Variants in ADAM17 observed in about 807,000 individuals in gnomAD.
The protein encoded by ADAM17 is ADAM metallopeptidase domain 17.
Under a neutral mutation model 96.7 loss-of-function variants are expected in ADAM17, and 39 were observed. The ratio of observed to expected loss-of-function variants is 0.40; its 90% CI spans 0.31 to 0.53. The LOEUF is 0.53. Among genes scored for constraint, ADAM17 ranks in the 20% least tolerant of loss-of-function variants. The pLI, the probability that ADAM17 is intolerant of heterozygous loss-of-function variation, is 0.44. For synonymous variants in ADAM17, 344 were observed against 359.2 expected, an observed-to-expected ratio of 0.96 and a Z score of 0.48; for missense variants, 777 against 1,013.2, an observed-to-expected ratio of 0.77 and a Z score of 3.17.
chr2:9,495,574 TGTG>T (rs1662512286), intron 14 of ADAM17, among the ~76,000 whole-genome samples: 1 of 151,908 alleles, frequency 6.6e-6, no homozygotes, highest in Non-Finnish European at 1.5e-5. Context: ...ATTAGCCAGA[TGTG>T]GTGGTGCTTG....
In ADAM17 at chr2:9,543,442, C is replaced by T. The variant is rs572678784; in HGVS notation, c.98-157G>A. 3.3e-5 allele frequency among the ~76,000 whole-genome samples: 5 copies of T among 152,338 alleles called. No individual in the cohort carries two copies. In the South Asian group the frequency reaches 1.0e-3, roughly 32 times the overall value. On this transcript the variant is annotated intron_variant, in intron 1 of 18. Transcript: ENST00000310823. The stretch of plus-strand genomic sequence containing the variant: ...TCATTTTTTATCAACAGAAACTCCA[C>T]TGCCTCTTCCAAAATCAGGATTTTT...
chr2:9,490,994 G>T, intron 18 of ADAM17, 107 bp downstream of exon 18: 2 of 972,488 alleles, frequency 2.1e-6, no homozygotes, highest in South Asian at 3.1e-5. Flanking sequence ...GCTGCAACAT[G>T]ACCTTCCATC....
intron 6 of ADAM17, 87 bp from the exon 7 acceptor site, chr2:9,523,425 A>C: frequency 8.1e-7 from 1 of 1,235,014 alleles, no homozygotes; most frequent in South Asian, 1.3e-5. Flanking sequence ...GGAAAGAAAA[A>C]ATCTCAGTTT....
At chr2:9,504,852 A>G (rs1663285873) in intron 12 of ADAM17, among the ~76,000 whole-genome samples, 1 of 151,764 alleles carries the variant, frequency 6.6e-6, no homozygotes, top group Non-Finnish European at 1.5e-5. Context: ...ATAATGTCAC[A>G]CTGCTTTCCA....
chr2:9,502,034 T>A (rs1663035118), intron 13 of ADAM17, 139 bp downstream of exon 13: 1 of 727,290 alleles, frequency 1.4e-6, no homozygotes, highest in East Asian at 2.5e-5. Context: ...TGTCACAAAC[T>A]AAGGAGTGCC....
At chr2:9,530,882 G>A (rs1314075780) in intron 4 of ADAM17, among the ~76,000 whole-genome samples, 3 of 152,156 alleles carry the variant, frequency 2.0e-5, no homozygotes, top group Admixed American at 1.3e-4. Context: ...TTGTTTAAGG[G>A]CTACAGGGTA....
Position 9,555,777 on chromosome 2 carries a change from A to G in ADAM17, c.-172T>C, listed in dbSNP as rs12692386. Reference sequence around the variant, plus strand: ...TTCTACCGCCAGGCTCGACGCCCCCAGAAGTGCAGGTGGCGTTACCAAAGG... The same window carrying G: ...TTCTACCGCCAGGCTCGACGCCCCCGGAAGTGCAGGTGGCGTTACCAAAGG... On this transcript the variant is annotated 5_prime_UTR_variant, in exon 1 of 19. Coordinates refer to ENST00000310823, the MANE Select transcript of ADAM17 (RefSeq NM_003183.6). The G allele has an allele frequency of 0.66, 328,352 of 500,398 alleles. 114,008 individuals carry two copies. The highest frequency in any genetic ancestry group is 0.93 in the African/African-American group (47,251 of 50,570). 31.0% of individuals were successfully genotyped at this position (500,398 alleles called of 1,614,324 possible). A position where few individuals can be genotyped will look rare whatever the true frequency, so the allele number is the denominator to read the frequency against.
chr2:9,520,740 G>A (rs760115026), intron 8 of ADAM17, among the ~76,000 whole-genome samples: 92 of 152,112 alleles, frequency 6.0e-4, no homozygotes, highest in Non-Finnish European at 1.1e-3. Flanking sequence ...GAGGCAGACG[G>A]ATCATCTGAG....
intron 4 of ADAM17, among the ~76,000 whole-genome samples, chr2:9,532,052 A>G (rs1572944128): frequency 6.6e-6 from 1 of 152,352 alleles, no homozygotes; most frequent in East Asian, 1.9e-4. Context: ...TCAAGGCTGC[A>G]GTGAGCTATG....
intron 10 of ADAM17, among the ~76,000 whole-genome samples, chr2:9,517,383 G>A (rs1306713747): frequency 6.6e-6 from 1 of 152,184 alleles, no homozygotes; most frequent in African/African-American, 2.4e-5. Flanking sequence ...TAGAGAACAT[G>A]AGAACTAAGA....
chr2:9,495,333 T>A (rs1224469810), intron 14 of ADAM17, among the ~76,000 whole-genome samples: 3 of 152,204 alleles, frequency 2.0e-5, no homozygotes, highest in Non-Finnish European at 1.5e-5. Context: ...TGGGCATACA[T>A]AAGAATGGCA....
intron 11 of ADAM17, 181 bp from the exon 12 acceptor site, chr2:9,505,546 C>T: frequency 1.6e-6 from 1 of 617,790 alleles, no homozygotes; most frequent in Non-Finnish European, 2.8e-6. Context: ...CTGGGAACCT[C>T]CCTCCATAGA....
At chr2:9,518,906 GT>G (rs1467693134) in intron 8 of ADAM17, among the ~76,000 whole-genome samples, 7 of 142,892 alleles carry the variant, frequency 4.9e-5, no homozygotes, top group Middle Eastern at 3.6e-3. Flanking sequence ...TGGGGGGGGG[GT>G]TTGATTTATT....
intron 13 of ADAM17, among the ~76,000 whole-genome samples, chr2:9,498,980 C>T (rs1662816048): frequency 6.6e-6 from 1 of 152,198 alleles, no homozygotes; most frequent in South Asian, 2.1e-4. Flanking sequence ...GCACAGACTG[C>T]TGGCCTCCCT....
chr2:9,514,218 T>C (rs1238257048), intron 10 of ADAM17, among the ~76,000 whole-genome samples: 2 of 151,364 alleles, frequency 1.3e-5, no homozygotes, highest in African/African-American at 4.9e-5. Context: ...GGGACATGGA[T>C]GAAGCTGGAA....
chr2:9,553,731 A>G (rs1665656666), intron 1 of ADAM17, among the ~76,000 whole-genome samples: 1 of 151,732 alleles, frequency 6.6e-6, no homozygotes, highest in Non-Finnish European at 1.5e-5. Flanking sequence ...AAGTCTATGC[A>G]TTCTTCTGGC....
Position 9,492,891 on chromosome 2 carries a change from G to GACTT in ADAM17, c.2082+3_2082+6dup. The GACTT allele has an allele frequency of 1.9e-6, 3 of 1,603,572 alleles. No homozygotes were observed. The highest frequency in any genetic ancestry group is 1.7e-6 in the Non-Finnish European group (2 of 1,173,506). On this transcript the variant is annotated splice_region_variant and intron_variant, in intron 17 of 18. Transcript: ENST00000310823. ...AACATTTAATTACTTAAAAGTTGAT[G>GACTT]ACTTACCACACAATGGACAAGAATG...
chr2:9,537,018 C>G (rs941643414), intron 2 of ADAM17, among the ~76,000 whole-genome samples, 190 bp from the exon 3 acceptor site: 20 of 152,184 alleles, frequency 1.3e-4, no homozygotes, highest in Middle Eastern at 3.4e-3. Context: ...ATTTATTTAG[C>G]TATAAAAACA....
Position 9,488,857 on chromosome 2 carries a change from AAATTTACAAGTT to A in ADAM17, c.*1308_*1319del, listed in dbSNP as rs1558487260. 1 of 152,222 alleles carries A rather than the reference AAATTTACAAGTT, an allele frequency of 6.6e-6. No individual in the cohort carries two copies. The highest frequency in any genetic ancestry group is 1.5e-5 in the Non-Finnish European group (1 of 68,038). The allele number at this position is 152,222 out of a possible 1,614,324, so 9.4% of individuals were successfully genotyped here. A position where few individuals can be genotyped will look rare whatever the true frequency, so the allele number is the denominator to read the frequency against. On this transcript the variant is annotated 3_prime_UTR_variant, in exon 19 of 19. Coordinates refer to ENST00000310823, the MANE Select transcript of ADAM17 (RefSeq NM_003183.6). ...TCACAGGTTTGGTTAACTGCCCTCAAAATTTACAAGTTAAAATGTTTTGGCTGGTGAGCACAT... is the reference window on the plus strand; with the variant it reads ...TCACAGGTTTGGTTAACTGCCCTCAAAAAATGTTTTGGCTGGTGAGCACAT...
Sources: gnomAD v4.1 joint callset for allele counts (sites outside exome capture counted in the v4.1 genomes callset) on GRCh38, gnomAD v4.1.1 for gene constraint, MANE v1.5 for transcripts, NCBI Gene and HGNC (gene_info 2026-07-23, HGNC 2026-07-21) for gene names.